RPS6KC1: variants seen among roughly 807,000 people sequenced by gnomAD.
RPS6KC1 encodes ribosomal protein S6 kinase C1, also known as inactive ribosomal protein S6 kinase delta-1.
In RPS6KC1, 54 loss-of-function variants were observed where a neutral mutation model predicts 103.8. That is an observed-to-expected ratio of 0.52 (90% CI 0.42 to 0.65). The LOEUF (loss-of-function observed/expected upper bound fraction) is 0.65, where lower values mean the gene tolerates loss of function less well. Ranked by LOEUF, RPS6KC1 falls within the 30% of genes least tolerant of loss-of-function variation. RPS6KC1 has a pLI of 0.00. For missense variants in RPS6KC1, 1,151 were observed against 1,253.8 expected (o/e 0.92, Z 1.24); for synonymous variants, 439 against 438.7 (o/e 1.00, Z -0.01).
chr1:213,441,603 T>A, the RPS6KC1 span, among the ~76,000 whole-genome samples: 3 of 152,208 alleles, frequency 2.0e-5, no homozygotes, highest in African/African-American at 7.2e-5. Context: ...GACACTTAAT[T>A]TGATTCCATA....
the RPS6KC1 span, among the ~76,000 whole-genome samples, chr1:213,370,139 G>A: frequency 2.4e-4 from 37 of 152,268 alleles, no homozygotes; most frequent in East Asian, 6.9e-3. Flanking sequence ...CAAAAGACAG[G>A]GAAAGAGCTC....
chr1:213,234,011 T>A (rs1030445637), intron 10 of RPS6KC1, among the ~76,000 whole-genome samples: 2 of 147,650 alleles, frequency 1.4e-5, no homozygotes, highest in African/African-American at 5.2e-5. Context: ...ATTCTCTCTC[T>A]CTCTTTTTTT....
the RPS6KC1 span, among the ~76,000 whole-genome samples, chr1:213,525,776 A>G: frequency 6.6e-6 from 1 of 152,228 alleles, no homozygotes; most frequent in Non-Finnish European, 1.5e-5. Flanking sequence ...GAGGATGATA[A>G]GGACTGAGGA....
chr1:213,524,854 G>T, the RPS6KC1 span, among the ~76,000 whole-genome samples: 1 of 152,218 alleles, frequency 6.6e-6, no homozygotes, highest in Non-Finnish European at 1.5e-5. Context: ...CCTTGGAAAG[G>T]TAGAGCTAAC....
At chr1:213,375,812 C>T in the RPS6KC1 span, among the ~76,000 whole-genome samples, 3 of 152,218 alleles carry the variant, frequency 2.0e-5, no homozygotes, top group Non-Finnish European at 4.4e-5. Context: ...TTCTTCCTTT[C>T]TGCATTTGCC....
At chr1:213,287,808 T>C in the RPS6KC1 span, among the ~76,000 whole-genome samples, 1 of 152,198 alleles carries the variant, frequency 6.6e-6, no homozygotes, top group Non-Finnish European at 1.5e-5. Flanking sequence ...TTCCATGGCA[T>C]ACCCCTGCTG....
chr1:213,213,737 T>G (rs2148691876), intron 8 of RPS6KC1, among the ~76,000 whole-genome samples: 1 of 152,372 alleles, frequency 6.6e-6, no homozygotes, highest in Non-Finnish European at 1.5e-5. Flanking sequence ...TTTGTAAATC[T>G]GTTTTAGTAC....
chr1:213,430,917 C>T, the RPS6KC1 span, among the ~76,000 whole-genome samples: 1 of 152,096 alleles, frequency 6.6e-6, no homozygotes, highest in African/African-American at 2.4e-5. Flanking sequence ...GCAGCAATGC[C>T]TTTACAAGTA....
intron 2 of RPS6KC1, among the ~76,000 whole-genome samples, chr1:213,077,201 T>C (rs181172001): frequency 5.9e-5 from 9 of 152,358 alleles, no homozygotes. Context: ...ACCGAGTATG[T>C]ACTTTTGTTT....
the RPS6KC1 span, among the ~76,000 whole-genome samples, chr1:213,581,118 A>G: frequency 1.3e-5 from 2 of 151,994 alleles, no homozygotes; most frequent in Admixed American, 6.5e-5. Context: ...TGTGTTTCCC[A>G]TGGCAGGGCA....
chr1:213,118,314 A>G (rs928687863), intron 5 of RPS6KC1, among the ~76,000 whole-genome samples: 13 of 151,938 alleles, frequency 8.6e-5, no homozygotes, highest in African/African-American at 2.7e-4. Context: ...AGGTTACGGA[A>G]AAAAAAAGAT....
chr1:213,533,250 A>G, the RPS6KC1 span, among the ~76,000 whole-genome samples: 1 of 152,154 alleles, frequency 6.6e-6, no homozygotes, highest in Admixed American at 6.6e-5. Context: ...GAAGTCCTTC[A>G]CTAGGATGCA....
At chr1:213,311,349 A>G in the RPS6KC1 span, among the ~76,000 whole-genome samples, 2 of 152,144 alleles carry the variant, frequency 1.3e-5, no homozygotes, top group Non-Finnish European at 2.9e-5. Flanking sequence ...CGTGTTAGCC[A>G]GGATGGTCTC....
the RPS6KC1 span, among the ~76,000 whole-genome samples, chr1:213,797,921 C>T: frequency 5.2e-3 from 792 of 152,282 alleles, 9 homozygotes; most frequent in African/African-American, 0.018. Flanking sequence ...GTTGGAAAAT[C>T]GAGATACTCA....
At chr1:213,078,012 A>G (rs768713053) in intron 3 of RPS6KC1, among the ~76,000 whole-genome samples, 196 bp downstream of exon 3, 12 of 152,120 alleles carry the variant, frequency 7.9e-5, no homozygotes, top group Non-Finnish European at 1.3e-4. Flanking sequence ...TACTCTTCCT[A>G]TCTATGAAAC....
the RPS6KC1 span, among the ~76,000 whole-genome samples, chr1:213,684,860 T>C: frequency 2.8e-4 from 43 of 152,220 alleles, no homozygotes; most frequent in Non-Finnish European, 6.2e-4. Flanking sequence ...GCGAATGAAG[T>C]TGACAAAGAG....
the RPS6KC1 span, among the ~76,000 whole-genome samples, chr1:213,415,331 G>T: frequency 6.6e-6 from 1 of 152,220 alleles, no homozygotes; most frequent in Non-Finnish European, 1.5e-5. Context: ...GATCTGGAAA[G>T]CTCCATAATA....
chr1:213,568,390 G>A, the RPS6KC1 span, among the ~76,000 whole-genome samples: 1 of 152,230 alleles, frequency 6.6e-6, no homozygotes, highest in East Asian at 1.9e-4. Context: ...CCCCAGAGAT[G>A]AAAGGAAGGG....
chr1:213,775,899 A>G, the RPS6KC1 span, among the ~76,000 whole-genome samples: 1 of 152,112 alleles, frequency 6.6e-6, no homozygotes, highest in Non-Finnish European at 1.5e-5. Flanking sequence ...CTTTCTTATC[A>G]TTTCCACAAT....
Sources: gnomAD v4.1 joint callset for allele counts (sites outside exome capture counted in the v4.1 genomes callset) on GRCh38, gnomAD v4.1.1 for gene constraint, MANE v1.5 for transcripts, NCBI Gene and HGNC (gene_info 2026-07-23, HGNC 2026-07-21) for gene names.